Variants in RIPK1 observed in about 807,000 individuals in gnomAD.
The protein encoded by RIPK1 is receptor-interacting serine/threonine-protein kinase 1.
In RIPK1, 27 loss-of-function variants were observed where a neutral mutation model predicts 62.4. The observed-to-expected ratio is 0.43, with a 90% CI of 0.32 to 0.60. RIPK1 has a LOEUF of 0.60. Ranked by LOEUF, RIPK1 falls within the 20% of genes least tolerant of loss-of-function variation. RIPK1 has a pLI of 0.07. For missense variants in RIPK1, 735 were observed against 831.0 expected (o/e 0.88, Z 1.42); for synonymous variants, 287 against 303.2 (o/e 0.95, Z 0.55).
intron 7 of RIPK1, among the ~76,000 whole-genome samples, chr6:3,099,332 C>A (rs189814974): frequency 3.3e-5 from 5 of 152,294 alleles, no homozygotes; most frequent in African/African-American, 1.2e-4. Flanking sequence ...ATCACGAGAT[C>A]AGGAGATCGA....
intron 1 of RIPK1, among the ~76,000 whole-genome samples, chr6:3,071,578 A>G (rs1034629054): frequency 3.3e-5 from 5 of 152,198 alleles, no homozygotes; most frequent in African/African-American, 9.7e-5. Context: ...ATATCCTTCA[A>G]CTACTCACAA....
intron 1 of RIPK1, among the ~76,000 whole-genome samples, chr6:3,073,785 G>C (rs1758899086): frequency 1.3e-5 from 2 of 152,182 alleles, no homozygotes; most frequent in Non-Finnish European, 2.9e-5. Context: ...GGAGTTTCCA[G>C]AGTCCCCTCT....
rs113251196 is a variant in RIPK1 at position 3,099,330 on chromosome 6, A to G, written c.916-4895A>G. ...GAGGCCGAGGCTGGTGGATCACGAGATCAGGAGATCGAGACCATCCTGGCT... is the reference window on the plus strand; with the variant it reads ...GAGGCCGAGGCTGGTGGATCACGAGGTCAGGAGATCGAGACCATCCTGGCT... On this transcript the variant is annotated intron_variant, in intron 7 of 10. Transcript: ENST00000259808. Among the ~76,000 whole-genome samples the G allele has an allele frequency of 5.3e-3, 802 of 152,294 alleles. 7 individuals carry two copies. Among genetic ancestry groups the G allele is most frequent in the African/African-American group, 0.019 (785 of 41,578 alleles).
At chr6:3,108,137 G>GA (rs2113705858) in intron 9 of RIPK1, among the ~76,000 whole-genome samples, 1 of 152,016 alleles carries the variant, frequency 6.6e-6, no homozygotes, top group Admixed American at 6.6e-5. Flanking sequence ...TCCTTTCAGT[G>GA]AAAGAGCTCT....
intron 10 of RIPK1, among the ~76,000 whole-genome samples, chr6:3,112,047 T>C (rs1761186770): frequency 6.6e-6 from 1 of 152,204 alleles, no homozygotes; most frequent in African/African-American, 2.4e-5. Flanking sequence ...TTTTCATTTG[T>C]TTCCTTTTAT....
At chr6:3,068,153 A>C (rs1355918535), upstream of RIPK1, 1 of 947,916 alleles carries the variant, frequency 1.1e-6, no homozygotes, top group African/African-American at 1.8e-5. Context: ...CAAAATAATC[A>C]CATTTCCTCC....
intron 7 of RIPK1, among the ~76,000 whole-genome samples, 191 bp from the exon 8 acceptor site, chr6:3,104,034 A>T (rs754977650): frequency 5.3e-5 from 8 of 152,210 alleles, no homozygotes; most frequent in Non-Finnish European, 1.2e-4. Context: ...AGGAAGTGTG[A>T]GTCCTACAAC....
intron 1 of RIPK1, among the ~76,000 whole-genome samples, chr6:3,073,235 ATT>A (rs1167929665): frequency 7.7e-6 from 1 of 130,056 alleles, no homozygotes; most frequent in African/African-American, 2.9e-5. Flanking sequence ...ACACATATAC[ATT>A]TTTATATCAT....
In RIPK1 at chr6:3,070,744, A is replaced by G. The variant is rs147072386; in HGVS notation, c.-61+2083A>G. On this transcript the variant is annotated intron_variant, in intron 1 of 10. Transcript: ENST00000259808. The stretch of plus-strand genomic sequence containing the variant: ...CTGCACCTCACCTTCCTGTATTTAA[A>G]AAGTTTATTCTGTACTTTCTCCGTG... 2.1e-3 allele frequency among the ~76,000 whole-genome samples: 294 copies of G among 143,296 alleles called. 1 individual carries two copies. Among genetic ancestry groups the G allele is most frequent in the East Asian group, 0.019 (98 of 5,186 alleles). The allele number at this position is 143,296 out of a possible 152,430, so 94.0% of individuals were successfully genotyped here.
chr6:3,073,200 CACAT>C (rs202019724), intron 1 of RIPK1, among the ~76,000 whole-genome samples: 2,471 of 150,574 alleles, frequency 0.016, 20 homozygotes, highest in Middle Eastern at 0.021. Context: ...TATGCATACA[CACAT>C]ACAAATATGT....
intron 5 of RIPK1, 102 bp downstream of exon 5, chr6:3,083,415 A>G: frequency 1.1e-6 from 1 of 871,196 alleles, no homozygotes; most frequent in Non-Finnish European, 1.8e-6. Context: ...TGAATGAGTA[A>G]TCCCATTTAG....
intron 9 of RIPK1, among the ~76,000 whole-genome samples, chr6:3,108,544 G>GT (rs1760982703): frequency 6.6e-6 from 1 of 152,308 alleles, no homozygotes; most frequent in South Asian, 2.1e-4. Flanking sequence ...CGGTGTCAGT[G>GT]TAAGCTGGAG....
chr6:3,082,320 G>A (rs1759434529), intron 4 of RIPK1, among the ~76,000 whole-genome samples: 1 of 152,142 alleles, frequency 6.6e-6, no homozygotes, highest in Non-Finnish European at 1.5e-5. Flanking sequence ...TTATGTCGTG[G>A]GTTAGAATCT....
chr6:3,085,235 T>TGAAA, intron 5 of RIPK1, 24 bp from the exon 6 acceptor site: 4 of 1,613,724 alleles, frequency 2.5e-6, no homozygotes, highest in Non-Finnish European at 3.4e-6. Context: ...GAGCAAGACC[T>TGAAA]GAAAGAAAGT....
upstream of RIPK1, among the ~76,000 whole-genome samples, chr6:3,064,558 C>G (rs1183196640): frequency 6.6e-6 from 1 of 152,198 alleles, no homozygotes; most frequent in Non-Finnish European, 1.5e-5. Context: ...TCTGCAGAGC[C>G]AGGCTCAGCG....
chr6:3,108,843 G>A (rs979830738), intron 9 of RIPK1, among the ~76,000 whole-genome samples: 4 of 152,120 alleles, frequency 2.6e-5, no homozygotes, highest in African/African-American at 9.7e-5. Context: ...TTTCAGTAGA[G>A]AGGGTCCCTA....
chr6:3,103,271 A>T (rs1760677880), intron 7 of RIPK1, among the ~76,000 whole-genome samples: 1 of 149,876 alleles, frequency 6.7e-6, no homozygotes, highest in African/African-American at 2.5e-5. Flanking sequence ...TATTGTTTGC[A>T]ACTTTTTCCC....
intron 2 of RIPK1, among the ~76,000 whole-genome samples, chr6:3,077,460 T>C (rs1759130631): frequency 6.6e-6 from 1 of 152,012 alleles, no homozygotes; most frequent in African/African-American, 2.4e-5. Context: ...GAGGCTGTTT[T>C]TTTTTTTTTT....
chr6:3,110,257 A>G (rs1761089221), intron 9 of RIPK1, among the ~76,000 whole-genome samples: 1 of 139,578 alleles, frequency 7.2e-6, no homozygotes, highest in African/African-American at 2.7e-5. Flanking sequence ...ACCAGGCTGG[A>G]GTGCAGTGGC....
Sources: allele counts gnomAD v4.1 joint callset (sites outside exome capture counted in the v4.1 genomes callset), GRCh38; gene constraint gnomAD v4.1.1; transcripts MANE v1.5; gene names NCBI Gene and HGNC (gene_info 2026-07-23, HGNC 2026-07-21).